ARID2: variants seen among roughly 807,000 people sequenced by gnomAD.
The protein encoded by ARID2 is AT-rich interaction domain 2.
Under a neutral mutation model 184.6 loss-of-function variants are expected in ARID2, and 32 were observed. That is an observed-to-expected ratio of 0.17 (90% confidence interval 0.13 to 0.23). The LOEUF is 0.23. Ranked by LOEUF, ARID2 falls within the 10% of genes least tolerant of loss-of-function variation. ARID2 has a pLI of 1.00. For synonymous variants in ARID2, 836 were observed against 772.6 expected (o/e 1.08, Z -1.36); for missense variants, 1,696 against 2,197.6 (o/e 0.77, Z 4.56).
At chr12:45,864,291 A>G (rs944229741) in intron 16 of ARID2, among the ~76,000 whole-genome samples, 2 of 152,100 alleles carry the variant, frequency 1.3e-5, no homozygotes, top group African/African-American at 4.8e-5. Context: ...TAAATACTAT[A>G]TACCACCACC....
At chr12:45,862,537 G>A (rs552137945) in intron 16 of ARID2, among the ~76,000 whole-genome samples, 3 of 152,062 alleles carry the variant, frequency 2.0e-5, no homozygotes, top group Non-Finnish European at 4.4e-5. Flanking sequence ...AAAGGTGTTT[G>A]TTAACTTTTC....
chr12:45,852,470 T>G lies in ARID2; in HGVS notation c.4347T>G (p.Asn1449Lys). ...AATTTAGTGGTACTGATTTGCTTAA[T>G]GGACCTCTAGCTTCAAGTTTGAATT... ...TQQFSGTDLL[N>K]GPLASSLNSD... Residue 1449 changes from asparagine to lysine, a missense_variant, in exon 15 of 21, where the codon AAT (asparagine) becomes AAG (lysine). Asn to Lys is a moderately conservative substitution (Grantham distance 94). This residue lies in a region of ARID2 where 428 missense variants were observed against 409.1 expected (regional missense o/e 1.05). Transcript: ENST00000334344. The G allele has an allele frequency of 3.7e-6, 6 of 1,614,188 alleles. No individual in the cohort carries two copies. The highest frequency in any genetic ancestry group is 5.1e-6 in the Non-Finnish European group (6 of 1,180,010).
intron 3 of ARID2, among the ~76,000 whole-genome samples, chr12:45,807,889 C>T (rs1318455486): frequency 6.6e-6 from 1 of 152,082 alleles, no homozygotes; most frequent in African/African-American, 2.4e-5. Flanking sequence ...CATTAAATTT[C>T]CCCAAAGTCA....
rs1259561223 is a variant in ARID2, at chr12:45,850,374, C to A, written c.2251C>A (p.Pro751Thr). ...SSVVQNHSTG[P>T]QPVTVVNSQT... Reference sequence around the variant, plus strand: ...TGTTGTTCAGAATCATAGTACAGGGCCACAACCTGTTACAGTTGTGAATTC... The same window carrying A: ...TGTTGTTCAGAATCATAGTACAGGGACACAACCTGTTACAGTTGTGAATTC... The change falls in exon 15 of 21, where the codon CCA (proline) becomes ACA (threonine). Residue 751 changes from proline (P) to threonine (T), a missense_variant. By Grantham distance (38) the Pro-to-Thr change is conservative. Coordinates refer to ENST00000334344, the MANE Select transcript of ARID2 (RefSeq NM_152641.4). 12 of 1,614,048 alleles carry A rather than the reference C, an allele frequency of 7.4e-6. No individual in the cohort carries two copies. The highest frequency in any genetic ancestry group is 1.0e-5 in the Non-Finnish European group (12 of 1,179,982).
chr12:45,842,663 A>G (rs1943371949), intron 11 of ARID2, among the ~76,000 whole-genome samples: 1 of 151,988 alleles, frequency 6.6e-6, no homozygotes, highest in East Asian at 1.9e-4. Flanking sequence ...AGGCTGAGGC[A>G]GGAGAATTGC....
At chr12:45,838,969 C>T (rs927158923) in intron 10 of ARID2, among the ~76,000 whole-genome samples, 2 of 151,306 alleles carry the variant, frequency 1.3e-5, no homozygotes, top group African/African-American at 4.9e-5. Flanking sequence ...GGGTTCATGC[C>T]ATTCTCCTGC....
intron 20 of ARID2, 136 bp downstream of exon 20, chr12:45,893,857 C>T: frequency 2.8e-6 from 2 of 706,866 alleles, no homozygotes; most frequent in Non-Finnish European, 4.3e-6. Context: ...AAGTTTATGC[C>T]TAGGTCAGGC....
intron 8 of ARID2, 27 bp downstream of exon 8, chr12:45,837,018 A>G (rs781130373): frequency 6.3e-7 from 1 of 1,590,788 alleles, no homozygotes; most frequent in Non-Finnish European, 8.5e-7. Flanking sequence ...ACCTTAAACT[A>G]GTTTTTATAG....
At chr12:45,731,639 C>T (rs1379039987) in intron 3 of ARID2, among the ~76,000 whole-genome samples, 5 of 152,020 alleles carry the variant, frequency 3.3e-5, no homozygotes, top group Non-Finnish European at 5.9e-5. Flanking sequence ...TAGTAAAAGA[C>T]TTAAGATAGT....
At chr12:45,810,612 TAGTG>T (rs1942689007) in intron 3 of ARID2, among the ~76,000 whole-genome samples, 1 of 152,102 alleles carries the variant, frequency 6.6e-6, no homozygotes. Flanking sequence ...AAGAATGAGG[TAGTG>T]CAGTATGTAT....
intron 16 of ARID2, among the ~76,000 whole-genome samples, chr12:45,884,728 A>G (rs1012291184): frequency 6.6e-6 from 1 of 152,258 alleles, no homozygotes; most frequent in Admixed American, 6.5e-5. Flanking sequence ...ATCATCCCCC[A>G]TATGAACCCC....
chr12:45,862,850 T>C (rs763705126), intron 16 of ARID2, among the ~76,000 whole-genome samples: 7 of 152,070 alleles, frequency 4.6e-5, no homozygotes, highest in Non-Finnish European at 8.8e-5. Flanking sequence ...TGCTAGTCTT[T>C]TCTAAACAAG....
At chr12:45,857,397 GT>G (rs1943668864) in intron 15 of ARID2, among the ~76,000 whole-genome samples, 1 of 152,108 alleles carries the variant, frequency 6.6e-6, no homozygotes, top group African/African-American at 2.4e-5. Context: ...TATCACTTTT[GT>G]TTTTCTAAGA....
intron 3 of ARID2, among the ~76,000 whole-genome samples, chr12:45,768,059 G>A (rs1439673776): frequency 6.6e-6 from 1 of 152,190 alleles, no homozygotes; most frequent in African/African-American, 2.4e-5. Context: ...TTGAATTTCT[G>A]TGGTATTGAA....
chr12:45,852,937 G>C (rs2138182412), intron 15 of ARID2, 41 bp downstream of exon 15: 21 of 1,495,350 alleles, frequency 1.4e-5, no homozygotes, highest in Non-Finnish European at 1.9e-5. Context: ...TGAAATTTCT[G>C]ATCTGTAAAT....
At chr12:45,884,060 CTT>C (rs1944145430) in intron 16 of ARID2, among the ~76,000 whole-genome samples, 1 of 152,298 alleles carries the variant, frequency 6.6e-6, no homozygotes, top group Middle Eastern at 3.4e-3. Flanking sequence ...CACATCATCA[CTT>C]ATTTTTATTT....
At chr12:45,798,207 TG>T (rs1942427839) in intron 3 of ARID2, among the ~76,000 whole-genome samples, 1 of 137,346 alleles carries the variant, frequency 7.3e-6, no homozygotes, top group African/African-American at 2.6e-5. Context: ...TGTTTGAACG[TG>T]TTTTTTTTTT....
At chr12:45,849,088 C>T (rs867612347) in intron 13 of ARID2, 118 bp downstream of exon 13, 35 of 1,181,302 alleles carry the variant, frequency 3.0e-5, no homozygotes, top group African/African-American at 2.8e-4. Flanking sequence ...CTAGAAGTTT[C>T]GTATGGATAG....
At chr12:45,873,980 A>G (rs1025819480) in intron 16 of ARID2, 3 of 152,226 alleles carry the variant, frequency 2.0e-5, no homozygotes, top group Admixed American at 1.3e-4. Context: ...TTGCTGTAGC[A>G]TGAGATGCTG....
Sources: gnomAD v4.1 joint callset for allele counts (sites outside exome capture counted in the v4.1 genomes callset) on GRCh38, gnomAD v4.1.1 for gene constraint, gnomAD v4.1.1 regional missense constraint, MANE v1.5 for transcripts, NCBI Gene and HGNC (gene_info 2026-07-23, HGNC 2026-07-21) for gene names.